Variants in ANKFN1 observed in about 807,000 individuals in gnomAD.
ANKFN1 encodes ankyrin repeat and fibronectin type III domain containing 1, also known as ankyrin repeat and fibronectin type-III domain-containing protein 1.
Under a neutral mutation model 108.7 loss-of-function variants are expected in ANKFN1, and 74 were observed. That is an observed-to-expected ratio of 0.68 (90% CI 0.56 to 0.83). The LOEUF is 0.83. ANKFN1 is among the 40% of genes least tolerant of loss of function. The pLI is 0.00. For missense variants in ANKFN1, 1,505 were observed against 1,382.3 expected (o/e 1.09, Z -1.41); for synonymous variants, 547 against 516.2 (o/e 1.06, Z -0.81).
intron 3 of ANKFN1, among the ~76,000 whole-genome samples, chr17:56,306,982 A>G (rs2044847736): frequency 6.6e-6 from 1 of 152,236 alleles, no homozygotes; most frequent in South Asian, 2.1e-4. Flanking sequence ...TGGGGAAACG[A>G]TTCCCTATTT....
intron 8 of ANKFN1, among the ~76,000 whole-genome samples, chr17:56,397,185 C>T (rs1310840204): frequency 2.0e-5 from 3 of 151,910 alleles, no homozygotes; most frequent in Non-Finnish European, 4.4e-5. Flanking sequence ...GATCCATCAC[C>T]CCCAACTAAT....
intron 3 of ANKFN1, among the ~76,000 whole-genome samples, chr17:56,308,687 T>C (rs1462417585): frequency 6.6e-6 from 1 of 152,218 alleles, no homozygotes; most frequent in African/African-American, 2.4e-5. Context: ...TTACTGTTCA[T>C]GTTAGCTGTT....
At chr17:56,419,369 G>A (rs1487448104) in intron 8 of ANKFN1, among the ~76,000 whole-genome samples, 1 of 151,992 alleles carries the variant, frequency 6.6e-6, no homozygotes, top group East Asian at 1.9e-4. Context: ...TGTAATCCCA[G>A]CTACTCAGGA....
intron 6 of ANKFN1, among the ~76,000 whole-genome samples, chr17:56,357,154 A>G (rs972018433): frequency 6.6e-6 from 1 of 152,210 alleles, no homozygotes; most frequent in Non-Finnish European, 1.5e-5. Flanking sequence ...TCCAGGAAAC[A>G]TGACACCTAA....
chr17:56,420,683 CTTTTTTTT>C lies in ANKFN1; in HGVS notation c.911-19631_911-19624del, dbSNP rs755355387. On this transcript the variant is annotated intron_variant, in intron 8 of 20. Coordinates refer to ENST00000682825, the MANE Select transcript of ANKFN1 (RefSeq NM_001370326.1). ...TCTATGTTGCTTCTTCTGACTCCTT[CTTTTTTTT>C]TTTTTTTTTTTTATTGTTGTTTTCT... 9.2e-5 allele frequency among the ~76,000 whole-genome samples: 11 copies of C among 119,590 alleles called. No homozygotes were observed. The South Asian group carries it at 1.1e-3, about 12-fold the overall frequency. 78.5% of individuals were successfully genotyped at this position (119,590 alleles called of 152,430 possible). A position where few individuals can be genotyped will look rare whatever the true frequency, so the allele number is the denominator to read the frequency against.
intron 18 of ANKFN1, among the ~76,000 whole-genome samples, chr17:56,484,003 T>C (rs1011002693): frequency 6.6e-6 from 1 of 152,180 alleles, no homozygotes; most frequent in Non-Finnish European, 1.5e-5. Flanking sequence ...TCAAAGAAGA[T>C]ATGAGAAAGC....
At chr17:56,265,431 A>G (rs1293137267) in intron 3 of ANKFN1, among the ~76,000 whole-genome samples, 8 of 152,186 alleles carry the variant, frequency 5.3e-5, no homozygotes, top group Admixed American at 5.2e-4. Flanking sequence ...CCATGATCCA[A>G]TCACTTCCCA....
At chr17:56,088,386 A>G (rs1359067157) in intron 4 of ANKFN1, among the ~76,000 whole-genome samples, 1 of 151,294 alleles carries the variant, frequency 6.6e-6, no homozygotes, top group Admixed American at 6.6e-5. Flanking sequence ...CAAACTTACC[A>G]ATCTTGCTGT....
chr17:56,500,361 A>C (rs1357238191), intron 20 of ANKFN1, among the ~76,000 whole-genome samples: 1 of 151,656 alleles, frequency 6.6e-6, no homozygotes, highest in East Asian at 1.9e-4. Context: ...GAGACAGCTA[A>C]TTTACATTAC....
intron 15 of ANKFN1, among the ~76,000 whole-genome samples, chr17:56,476,869 C>G (rs562149748): frequency 6.6e-6 from 1 of 152,242 alleles, no homozygotes; most frequent in African/African-American, 2.4e-5. Context: ...AAAAAATAAC[C>G]AGTGCTTGAT....
intron 3 of ANKFN1, among the ~76,000 whole-genome samples, chr17:56,308,662 A>G (rs1174245350): frequency 6.6e-6 from 1 of 152,050 alleles, no homozygotes; most frequent in African/African-American, 2.4e-5. Flanking sequence ...AGGGGGAAGC[A>G]TTGTCTTTTA....
At chr17:56,328,786 A>AAG (rs1555630281) in intron 4 of ANKFN1, among the ~76,000 whole-genome samples, 2 of 131,260 alleles carry the variant, frequency 1.5e-5, no homozygotes, top group African/African-American at 5.5e-5. Context: ...TAAAAAAAAA[A>AAG]GGGGGGGCAG....
intron 8 of ANKFN1, among the ~76,000 whole-genome samples, chr17:56,414,492 C>G (rs989776303): frequency 6.6e-6 from 1 of 151,992 alleles, no homozygotes; most frequent in Non-Finnish European, 1.5e-5. Flanking sequence ...TGTAAAAATC[C>G]TCAGCAAAAT....
At chr17:56,262,057 A>G (rs2043525593) in intron 3 of ANKFN1, among the ~76,000 whole-genome samples, 1 of 152,218 alleles carries the variant, frequency 6.6e-6, no homozygotes, top group Non-Finnish European at 1.5e-5. Context: ...GACCAGCTCC[A>G]GTGGAATTCT....
At chr17:56,322,509 T>C (rs921904239) in intron 3 of ANKFN1, among the ~76,000 whole-genome samples, 5 of 152,170 alleles carry the variant, frequency 3.3e-5, no homozygotes, top group African/African-American at 1.2e-4. Flanking sequence ...TTTAACATGG[T>C]GTTCGAGCTC....
chr17:56,226,781 A>G (rs574641657), intron 2 of ANKFN1, among the ~76,000 whole-genome samples: 1 of 152,284 alleles, frequency 6.6e-6, no homozygotes, highest in Admixed American at 6.5e-5. Flanking sequence ...GGCTAGTTCA[A>G]TGGCTTAAGA....
chr17:56,232,767 A>T (rs1916837346), intron 3 of ANKFN1, among the ~76,000 whole-genome samples: 1 of 152,140 alleles, frequency 6.6e-6, no homozygotes, highest in Non-Finnish European at 1.5e-5. Context: ...TAACTCAATC[A>T]ACAGAATCAA....
At chr17:56,073,598 C>T (rs1020036103) in intron 4 of ANKFN1, among the ~76,000 whole-genome samples, 1 of 152,208 alleles carries the variant, frequency 6.6e-6, no homozygotes, top group South Asian at 2.1e-4. Context: ...AGAACCACCA[C>T]CTATGTATAG....
intron 6 of ANKFN1, among the ~76,000 whole-genome samples, chr17:56,359,228 C>T (rs748292118): frequency 2.0e-5 from 3 of 152,074 alleles, no homozygotes; most frequent in Admixed American, 6.6e-5. Flanking sequence ...TGTGTATCAT[C>T]GACACAGACA....
Sources: allele counts gnomAD v4.1 joint callset (sites outside exome capture counted in the v4.1 genomes callset), GRCh38; gene constraint gnomAD v4.1.1; transcripts MANE v1.5; gene names NCBI Gene and HGNC (gene_info 2026-07-23, HGNC 2026-07-21).